The following CFAP299 variants were observed in gnomAD, a reference collection of about 807,000 sequenced individuals.
CFAP299 encodes cilia and flagella associated protein 299.
CFAP299 carries 21 observed loss-of-function variants against 27.0 expected under a neutral mutation model. The observed-to-expected ratio is 0.78, with a 90% CI of 0.55 to 1.12. The LOEUF is 1.12. Among genes scored for constraint, CFAP299 ranks in the 50% most tolerant of loss-of-function variants. The pLI is 0.00. For missense variants in CFAP299, 310 were observed against 276.6 expected (o/e 1.12, Z -0.86); for synonymous variants, 104 against 98.1 (o/e 1.06, Z -0.36).
chr4:80,349,752 T>C (rs1406210115), intron 1 of CFAP299, among the ~76,000 whole-genome samples: 1 of 151,900 alleles, frequency 6.6e-6, no homozygotes, highest in Non-Finnish European at 1.5e-5. Context: ...TAAGGAGTAT[T>C]TTCAAACACT....
At chr4:80,459,967 G>T (rs1729357612) in intron 2 of CFAP299, among the ~76,000 whole-genome samples, 1 of 152,124 alleles carries the variant, frequency 6.6e-6, no homozygotes, top group South Asian at 2.1e-4. Context: ...GGGTGTGTAT[G>T]GAAGTTATAC....
intron 4 of CFAP299, among the ~76,000 whole-genome samples, chr4:80,882,361 G>A (rs968864232): frequency 2.6e-5 from 4 of 152,090 alleles, no homozygotes; most frequent in Non-Finnish European, 5.9e-5. Flanking sequence ...AAGTAAGGCC[G>A]GGCGCAGTGG....
intron 2 of CFAP299, among the ~76,000 whole-genome samples, chr4:80,530,230 A>G (rs1031152743): frequency 8.5e-5 from 13 of 152,136 alleles, no homozygotes; most frequent in African/African-American, 1.7e-4. Context: ...GTGTTTCAAA[A>G]TCTGAAATGT....
intron 3 of CFAP299, among the ~76,000 whole-genome samples, chr4:80,610,893 G>A (rs1325697895): frequency 6.6e-6 from 1 of 151,880 alleles, no homozygotes; most frequent in East Asian, 1.9e-4. Context: ...TTATTAGTTG[G>A]GTGATGAGCT....
At position 80,788,595 on chromosome 4, in the gene CFAP299, T is replaced by C. The variant is rs181458406; in HGVS notation, c.334-81398T>C. ...TCTATGGGGTGTGTGTGCATAGTGATAAGCTCATTAGCTAGAACATCCTAA... is the reference window on the plus strand; with the variant it reads ...TCTATGGGGTGTGTGTGCATAGTGACAAGCTCATTAGCTAGAACATCCTAA... On this transcript the variant is annotated intron_variant, in intron 3 of 5. Coordinates refer to ENST00000358105, the MANE Select transcript of CFAP299 (RefSeq NM_152770.3). Among the ~76,000 whole-genome samples, 196 of 152,132 alleles carry C rather than the reference T, an allele frequency of 1.3e-3. 1 individual carries two copies. Among genetic ancestry groups the C allele is most frequent in the African/African-American group, 4.4e-3 (181 of 41,542 alleles).
At chr4:80,867,017 A>C (rs755476629) in intron 3 of CFAP299, among the ~76,000 whole-genome samples, 4 of 152,164 alleles carry the variant, frequency 2.6e-5, no homozygotes, top group Admixed American at 2.0e-4. Context: ...TCAATTTTAT[A>C]ATTTTTATGT....
intron 2 of CFAP299, among the ~76,000 whole-genome samples, chr4:80,447,337 G>A (rs1277425223): frequency 2.0e-5 from 3 of 150,528 alleles, no homozygotes; most frequent in Non-Finnish European, 4.4e-5. Context: ...GGGTTTCACC[G>A]TTTTAGCCGG....
chr4:80,324,201 G>T, the CFAP299 span, among the ~76,000 whole-genome samples: 8 of 151,924 alleles, frequency 5.3e-5, no homozygotes, highest in Non-Finnish European at 1.0e-4. Flanking sequence ...GTGAAGAAAC[G>T]ATATTCTTAA....
chr4:80,648,861 GTTTC>G (rs1158211751), intron 3 of CFAP299: 2 of 152,078 alleles, frequency 1.3e-5, no homozygotes, highest in Non-Finnish European at 2.9e-5. Context: ...TCTGAAATGT[GTTTC>G]TTTATCAGAA....
chr4:80,439,548 T>C (rs1728252397), intron 2 of CFAP299, among the ~76,000 whole-genome samples: 1 of 152,238 alleles, frequency 6.6e-6, no homozygotes, highest in African/African-American at 2.4e-5. Context: ...TTTCCCAGCC[T>C]GCAGAGCAGG....
intron 2 of CFAP299, among the ~76,000 whole-genome samples, chr4:80,528,929 C>T (rs997528938): frequency 6.6e-6 from 1 of 152,090 alleles, no homozygotes; most frequent in Admixed American, 6.6e-5. Context: ...GTCCTGCTAC[C>T]TTTGCCACCT....
chr4:80,932,741 G>T (rs908393470), intron 4 of CFAP299, among the ~76,000 whole-genome samples: 1 of 151,990 alleles, frequency 6.6e-6, no homozygotes, highest in Non-Finnish European at 1.5e-5. Context: ...ATATATCAAC[G>T]CTAATTCAGC....
intron 3 of CFAP299, among the ~76,000 whole-genome samples, chr4:80,823,582 A>T (rs1334039328): frequency 6.6e-6 from 1 of 152,174 alleles, no homozygotes; most frequent in Non-Finnish European, 1.5e-5. Flanking sequence ...ATGATACTAA[A>T]GTTATTAAAA....
At chr4:80,568,548 A>C (rs980530078) in intron 2 of CFAP299, among the ~76,000 whole-genome samples, 2 of 152,132 alleles carry the variant, frequency 1.3e-5, no homozygotes, top group Non-Finnish European at 2.9e-5. Context: ...TGTTGTGGTG[A>C]TCACATTATT....
At chr4:80,922,128 T>C (rs1736075793) in intron 4 of CFAP299, among the ~76,000 whole-genome samples, 1 of 152,058 alleles carries the variant, frequency 6.6e-6, no homozygotes, top group African/African-American at 2.4e-5. Flanking sequence ...TATATGAATA[T>C]AAATAATAAC....
At chr4:80,648,440 C>G (rs1267294326) in intron 3 of CFAP299, among the ~76,000 whole-genome samples, 1 of 152,062 alleles carries the variant, frequency 6.6e-6, no homozygotes, top group East Asian at 1.9e-4. Context: ...CTTAACTGTT[C>G]TTTAACAAAC....
intron 2 of CFAP299, among the ~76,000 whole-genome samples, chr4:80,456,487 G>C (rs1180029548): frequency 6.6e-6 from 1 of 152,002 alleles, no homozygotes; most frequent in Non-Finnish European, 1.5e-5. Flanking sequence ...GGGATGTCTG[G>C]GTTCTGGGTA....
chr4:80,570,294 T>G (rs1199536250), intron 2 of CFAP299, among the ~76,000 whole-genome samples: 1 of 152,022 alleles, frequency 6.6e-6, no homozygotes, highest in Admixed American at 6.6e-5. Context: ...TGGTATATAT[T>G]CAAATTAGAT....
chr4:80,772,648 A>C (rs1672668793), intron 3 of CFAP299, among the ~76,000 whole-genome samples: 1 of 152,018 alleles, frequency 6.6e-6, no homozygotes, highest in African/African-American at 2.4e-5. Flanking sequence ...TGCCCCTATC[A>C]ACCCGTCATC....
Sources: gnomAD v4.1 joint callset for allele counts (sites outside exome capture counted in the v4.1 genomes callset) on GRCh38, gnomAD v4.1.1 for gene constraint, MANE v1.5 for transcripts, NCBI Gene and HGNC (gene_info 2026-07-23, HGNC 2026-07-21) for gene names.